FMN2: variants seen among roughly 807,000 people sequenced by gnomAD.
The protein encoded by FMN2 is formin 2, also known as formin-2.
A neutral mutation model predicts 142.3 loss-of-function variants in FMN2; 51 were observed. That is an observed-to-expected ratio of 0.36 (90% CI 0.29 to 0.45). FMN2 has a LOEUF of 0.45. Ranked by LOEUF, FMN2 falls within the 20% of genes least tolerant of loss-of-function variation. FMN2 has a pLI of 1.00. For missense variants in FMN2, 1,936 were observed against 2,122.8 expected (o/e 0.91, Z 1.73); for synonymous variants, 882 against 869.8 (o/e 1.01, Z -0.25).
chr1:240,227,831 A>C (rs185577563), intron 6 of FMN2, among the ~76,000 whole-genome samples: 1 of 152,258 alleles, frequency 6.6e-6, no homozygotes, highest in African/African-American at 2.4e-5. Flanking sequence ...ATTATTCTAC[A>C]TCAAAGTTAA....
At chr1:240,391,082 G>C (rs1673587502) in intron 14 of FMN2, among the ~76,000 whole-genome samples, 1 of 151,580 alleles carries the variant, frequency 6.6e-6, no homozygotes, top group African/African-American at 2.4e-5. Flanking sequence ...ATATGTTCGT[G>C]CTGGAGCCTT....
intron 2 of FMN2, among the ~76,000 whole-genome samples, chr1:240,175,717 G>GTTGT (rs111437403): frequency 3.3e-5 from 5 of 152,036 alleles, no homozygotes; most frequent in African/African-American, 1.2e-4. Flanking sequence ...TGTTGTTGTT[G>GTTGT]TTGTTTGTTT....
At chr1:240,188,114 A>T in intron 3 of FMN2, 93 bp from the exon 4 acceptor site, 1 of 1,237,164 alleles carries the variant, frequency 8.1e-7, no homozygotes, top group Non-Finnish European at 1.2e-6. Flanking sequence ...CTTATGGTTA[A>T]TGATATATTT....
intron 14 of FMN2, among the ~76,000 whole-genome samples, chr1:240,369,821 C>T (rs1369815300): frequency 6.6e-6 from 1 of 152,158 alleles, no homozygotes; most frequent in Non-Finnish European, 1.5e-5. Context: ...TCAGGAGGCA[C>T]TACCAACCCA....
chr1:240,325,958 A>T (rs778326626), intron 8 of FMN2, among the ~76,000 whole-genome samples: 1 of 152,234 alleles, frequency 6.6e-6, no homozygotes, highest in Non-Finnish European at 1.5e-5. Flanking sequence ...GTCTTTAAAC[A>T]TCAAACAATG....
chr1:240,194,334 G>A (rs914620933), intron 4 of FMN2, among the ~76,000 whole-genome samples: 8 of 152,222 alleles, frequency 5.3e-5, no homozygotes, highest in Admixed American at 6.5e-5. Context: ...TTTTAACTGG[G>A]GAACTGTCAA....
At chr1:240,413,349 G>A (rs947490817) in intron 15 of FMN2, among the ~76,000 whole-genome samples, 1 of 151,544 alleles carries the variant, frequency 6.6e-6, no homozygotes, top group Non-Finnish European at 1.5e-5. Flanking sequence ...TATACTTATC[G>A]GTGAGGAAGG....
At chr1:240,377,909 T>C (rs886218259) in intron 14 of FMN2, among the ~76,000 whole-genome samples, 21 of 152,092 alleles carry the variant, frequency 1.4e-4, no homozygotes, top group Non-Finnish European at 2.8e-4. Flanking sequence ...AACATATTCA[T>C]AGCTGGGGAT....
At chr1:240,355,328 T>A (rs565926932) in intron 13 of FMN2, among the ~76,000 whole-genome samples, 3 of 152,208 alleles carry the variant, frequency 2.0e-5, no homozygotes, top group Non-Finnish European at 4.4e-5. Context: ...TTATTTATTA[T>A]TTTTCAGAAA....
Position 240,340,599 on chromosome 1 carries a change from C to T in FMN2, c.4765+6370C>T, listed in dbSNP as rs533580263. Among the ~76,000 whole-genome samples the T allele has an allele frequency of 2.6e-5, 4 of 152,022 alleles. 1 individual carries two copies. The South Asian group carries it at 8.3e-4, about 32-fold the overall frequency. ...CCATCTCAAACTGAAAAAAATTGTT[C>T]CCCCTTGTTTTGGAATGATAGTTTC... On this transcript the variant is annotated intron_variant, in intron 13 of 17. Transcript: ENST00000319653.
At chr1:240,180,583 T>TTTTTA in intron 3 of FMN2, among the ~76,000 whole-genome samples, 1 of 150,412 alleles carries the variant, frequency 6.6e-6, no homozygotes, top group South Asian at 2.2e-4. Context: ...TTTTTTTTTT[T>TTTTTA]TTTAATGGAT....
At chr1:240,250,023 A>G (rs1668224288) in intron 6 of FMN2, among the ~76,000 whole-genome samples, 1 of 152,048 alleles carries the variant, frequency 6.6e-6, no homozygotes, top group South Asian at 2.1e-4. Flanking sequence ...AGCTTATGTC[A>G]TTTGTAAAGA....
chr1:240,381,570 C>T (rs1270028160), intron 14 of FMN2, among the ~76,000 whole-genome samples: 1 of 152,118 alleles, frequency 6.6e-6, no homozygotes, highest in Non-Finnish European at 1.5e-5. Flanking sequence ...GCTGGGATTA[C>T]AGAAACACGC....
intron 15 of FMN2, among the ~76,000 whole-genome samples, chr1:240,433,223 G>C (rs1320820814): frequency 6.6e-6 from 1 of 152,084 alleles, no homozygotes; most frequent in African/African-American, 2.4e-5. Context: ...CCCTGGTTAT[G>C]TTCTTTGTCT....
At chr1:240,324,943 G>A (rs2103006218) in intron 8 of FMN2, among the ~76,000 whole-genome samples, 1 of 152,238 alleles carries the variant, frequency 6.6e-6, no homozygotes, top group South Asian at 2.1e-4. Flanking sequence ...AAAAGCTTTA[G>A]GGATTGGCTT....
At chr1:240,135,707 GTC>G in intron 2 of FMN2, among the ~76,000 whole-genome samples, 1 of 146,466 alleles carries the variant, frequency 6.8e-6, no homozygotes, top group African/African-American at 2.5e-5. Flanking sequence ...TTGAGACAGA[GTC>G]TCACTCTGTC....
At chr1:240,205,784 C>T (rs1008320197) in intron 4 of FMN2, among the ~76,000 whole-genome samples, 5 of 150,632 alleles carry the variant, frequency 3.3e-5, no homozygotes, top group Non-Finnish European at 5.9e-5. Flanking sequence ...CTACTCAAAA[C>T]GTTTTTTTTT....
At chr1:240,124,020 T>G (rs1422764814) in intron 2 of FMN2, among the ~76,000 whole-genome samples, 2 of 152,272 alleles carry the variant, frequency 1.3e-5, no homozygotes, top group Non-Finnish European at 2.9e-5. Context: ...CTTTTAAGGC[T>G]GAATCATATT....
intron 4 of FMN2, among the ~76,000 whole-genome samples, chr1:240,199,915 T>C (rs1173125175): frequency 1.3e-5 from 2 of 152,216 alleles, no homozygotes; most frequent in Non-Finnish European, 2.9e-5. Context: ...ATTTAAATTT[T>C]TTGATAGGAA....
Sources: allele counts gnomAD v4.1 joint callset (sites outside exome capture counted in the v4.1 genomes callset), GRCh38; gene constraint gnomAD v4.1.1; transcripts MANE v1.5; gene names NCBI Gene and HGNC (gene_info 2026-07-23, HGNC 2026-07-21).